Variants in AKR1C4 observed in about 807,000 individuals in gnomAD.
The protein encoded by AKR1C4 is aldo-keto reductase family 1 member C4, also known as 3-alpha-HSD1.
AKR1C4 carries 44 observed loss-of-function variants against 41.0 expected under a neutral mutation model. The observed-to-expected ratio is 1.07, with a 90% CI of 0.84 to 1.38. The LOEUF (loss-of-function observed/expected upper bound fraction) is 1.38, where lower values mean the gene tolerates loss of function less well. AKR1C4 is among the 40% of genes most tolerant of loss of function. AKR1C4 has a pLI of 0.00. For missense variants in AKR1C4, 438 were observed against 387.9 expected (o/e 1.13, Z -1.09); for synonymous variants, 165 against 137.7 (o/e 1.20, Z -1.39).
At chr10:5,201,445 C>T (rs1399103238) in intron 2 of AKR1C4, among the ~76,000 whole-genome samples, 1 of 152,000 alleles carries the variant, frequency 6.6e-6, no homozygotes, top group Non-Finnish European at 1.5e-5. Flanking sequence ...CACTTTTCAA[C>T]AGGGTTATTT....
At chr10:5,201,719 T>C (rs1832402805) in intron 2 of AKR1C4, among the ~76,000 whole-genome samples, 1 of 152,218 alleles carries the variant, frequency 6.6e-6, no homozygotes, top group South Asian at 2.1e-4. Flanking sequence ...TCCAATGTTA[T>C]CTTCTAAAAT....
At chr10:5,197,373 C>T (rs1198977832) in intron 1 of AKR1C4, among the ~76,000 whole-genome samples, 4 of 152,044 alleles carry the variant, frequency 2.6e-5, no homozygotes, top group Non-Finnish European at 5.9e-5. Context: ...GGTAACAGCA[C>T]CTAAAGATGG....
At chr10:5,208,196 C>G (rs1262253043) in intron 5 of AKR1C4, among the ~76,000 whole-genome samples, 1 of 151,568 alleles carries the variant, frequency 6.6e-6, no homozygotes, top group African/African-American at 2.4e-5. Context: ...CACTGCTTTG[C>G]TTTCTGTCAT....
Position 5,196,967 on chromosome 10 carries a change from T to C in AKR1C4, c.84+16T>C, listed in dbSNP as rs782262332. On this transcript the variant is annotated intron_variant, in intron 1 of 8. Transcript: ENST00000263126. ...ACCTCCAGAGGTAATAATCACATTT[T>C]CAGCATTGAGCATTTAAAAGAGCAA... 1.5e-5 allele frequency: 24 copies of C among 1,611,792 alleles called. No homozygotes were observed. In the South Asian group the frequency reaches 2.6e-4, roughly 18 times the overall value.
At chr10:5,214,788 T>C (rs115712192) in intron 7 of AKR1C4, among the ~76,000 whole-genome samples, 4,119 of 152,226 alleles carry the variant, frequency 0.027, 58 homozygotes, top group African/African-American at 0.039. Context: ...ATTCTTTTCC[T>C]CTCATTCTCT....
At chr10:5,216,817 T>G in intron 8 of AKR1C4, 24 bp downstream of exon 8, 1 of 1,548,232 alleles carries the variant, frequency 6.5e-7, no homozygotes. Context: ...GAAAATGGGT[T>G]TCCCAGTTTA....
In AKR1C4 at chr10:5,216,702, C is replaced by T. The variant is rs2132142337; in HGVS notation, c.847-9C>T. 1 of 1,601,238 alleles carries T rather than the reference C, an allele frequency of 6.2e-7. No homozygotes were observed. The highest frequency in any genetic ancestry group is 8.5e-7 in the Non-Finnish European group (1 of 1,170,326). On this transcript the variant is annotated splice_polypyrimidine_tract_variant and intron_variant, in intron 7 of 8. Transcript: ENST00000263126. ...ATCTAAGAATAAACATTTTCTACTT[C>T]TTTGGTAGGTTTTTGAATTCCAGTT...
At chr10:5,218,111 T>G (rs1462309188) in intron 8 of AKR1C4, among the ~76,000 whole-genome samples, 1 of 152,242 alleles carries the variant, frequency 6.6e-6, no homozygotes, top group Non-Finnish European at 1.5e-5. Context: ...TATTCAATAT[T>G]AATGAATCAT....
chr10:5,214,565 A>T (rs1459073213), intron 7 of AKR1C4, among the ~76,000 whole-genome samples: 1 of 152,202 alleles, frequency 6.6e-6, no homozygotes, highest in African/African-American at 2.4e-5. Flanking sequence ...TCAGTTATTT[A>T]TGTGATATTT....
chr10:5,214,682 CT>C (rs112625012), intron 7 of AKR1C4, among the ~76,000 whole-genome samples: 33 of 151,968 alleles, frequency 2.2e-4, no homozygotes, highest in African/African-American at 8.0e-4. Context: ...CTTTGGATAA[CT>C]TTTTTTGAGA....
chr10:5,198,161 C>A (rs943732495), intron 1 of AKR1C4, among the ~76,000 whole-genome samples: 3 of 152,122 alleles, frequency 2.0e-5, no homozygotes, highest in Non-Finnish European at 4.4e-5. Context: ...AGGGATAAAG[C>A]GTACCTTACT....
chr10:5,200,958 A>C (rs1424100300), intron 2 of AKR1C4, among the ~76,000 whole-genome samples: 1 of 152,052 alleles, frequency 6.6e-6, no homozygotes, highest in African/African-American at 2.4e-5. Context: ...TATATACACT[A>C]TTCCATGATG....
intron 7 of AKR1C4, among the ~76,000 whole-genome samples, chr10:5,215,314 A>T (rs1832639153): frequency 1.3e-5 from 2 of 152,258 alleles, no homozygotes; most frequent in African/African-American, 4.8e-5. Flanking sequence ...TGTTTGTGTC[A>T]TGGGGGCAAA....
rs554366273 is a variant in AKR1C4 at position 5,203,876 on chromosome 10, C to T, written c.253-501C>T. Among the ~76,000 whole-genome samples, 104 of 152,246 alleles carry T rather than the reference C, an allele frequency of 6.8e-4. 1 individual carries two copies. The highest frequency in any genetic ancestry group is 1.3e-3 in the Admixed American group (20 of 15,294). Reference sequence around the variant, plus strand: ...TGTCTGGGATGACTTTCTTCAATATCTTATTCTGAATCTCAATTGTCCTTT... The same window carrying T: ...TGTCTGGGATGACTTTCTTCAATATTTTATTCTGAATCTCAATTGTCCTTT... On this transcript the variant is annotated intron_variant, in intron 2 of 8. Coordinates refer to ENST00000263126, the MANE Select transcript of AKR1C4 (RefSeq NM_001818.5).
rs147726121 is a variant in AKR1C4, at chr10:5,202,640, T to C, written c.253-1737T>C. Among the ~76,000 whole-genome samples, 432 of 152,230 alleles carry C rather than the reference T, an allele frequency of 2.8e-3. 3 individuals are homozygous for C. Among genetic ancestry groups the C allele is most frequent in the African/African-American group, 9.2e-3 (382 of 41,540 alleles). On this transcript the variant is annotated intron_variant, in intron 2 of 8. Transcript: ENST00000263126. ...CATTCAGTATGATGTTGGCTATGGA[T>C]TTGTTATATATGCATTTTATGCCTA...
At chr10:5,208,745 C>A (rs1444350811) in intron 5 of AKR1C4, among the ~76,000 whole-genome samples, 1 of 151,322 alleles carries the variant, frequency 6.6e-6, no homozygotes, top group Admixed American at 6.6e-5. Flanking sequence ...TGAAAGATCT[C>A]TTATACCTCT....
At chr10:5,211,873 G>A (rs1832580216) in intron 5 of AKR1C4, among the ~76,000 whole-genome samples, 2 of 152,180 alleles carry the variant, frequency 1.3e-5, no homozygotes, top group South Asian at 2.1e-4. Context: ...AGCAAGTCAT[G>A]TCTTACATGG....
At chr10:5,215,230 T>G (rs1832637963) in intron 7 of AKR1C4, among the ~76,000 whole-genome samples, 1 of 152,200 alleles carries the variant, frequency 6.6e-6, no homozygotes, top group Non-Finnish European at 1.5e-5. Context: ...GGTGATACAA[T>G]TTGGATATTT....
At chr10:5,212,884 A>G (rs1832007) in intron 6 of AKR1C4, 110 bp from the exon 7 acceptor site, 203,165 of 1,449,722 alleles carry the variant, frequency 0.14, 15,245 homozygotes, top group Admixed American at 0.19. Flanking sequence ...CTGTTCAGGG[A>G]CCTCACTTGA....
Sources: allele counts gnomAD v4.1 joint callset (sites outside exome capture counted in the v4.1 genomes callset), GRCh38; gene constraint gnomAD v4.1.1; transcripts MANE v1.5; gene names NCBI Gene and HGNC (gene_info 2026-07-23, HGNC 2026-07-21).